The following CSMD3 variants were observed in gnomAD, a reference collection of about 807,000 sequenced individuals.
CSMD3 encodes CUB and Sushi multiple domains 3, also known as CUB and sushi domain-containing protein 3.
Under a neutral mutation model 435.2 loss-of-function variants are expected in CSMD3, and 177 were observed. That is an observed-to-expected ratio of 0.41 (90% CI 0.36 to 0.46). The LOEUF is 0.46. Among genes scored for constraint, CSMD3 ranks in the 20% least tolerant of loss-of-function variants. The probability of loss-of-function intolerance (pLI) is 0.34; values close to 1 mark genes in which losing one functional copy is unlikely to be tolerated. For synonymous variants in CSMD3, 1,656 were observed against 1,520.5 expected (o/e 1.09, Z -2.07); for missense variants, 4,265 against 4,504.6 (o/e 0.95, Z 1.52).
chr8:113,205,518 C>T (rs1563544303), intron 3 of CSMD3, among the ~76,000 whole-genome samples: 2 of 152,202 alleles, frequency 1.3e-5, no homozygotes, highest in South Asian at 2.1e-4. Context: ...TAGGCGATAC[C>T]ATCTAGGTTT....
At chr8:112,302,118 G>T (rs1820978868) in intron 52 of CSMD3, 152 bp from the exon 53 acceptor site, 2 of 647,700 alleles carry the variant, frequency 3.1e-6, no homozygotes, top group Non-Finnish European at 5.5e-6. Context: ...GAGTGTGAAA[G>T]TAGGGAGAAA....
intron 3 of CSMD3, among the ~76,000 whole-genome samples, chr8:113,262,554 C>G (rs895977461): frequency 6.6e-6 from 1 of 151,908 alleles, no homozygotes; most frequent in African/African-American, 2.4e-5. Flanking sequence ...ACTCTTATGA[C>G]TACATTATGC....
intron 3 of CSMD3, among the ~76,000 whole-genome samples, chr8:113,179,281 A>C (rs1044682629): frequency 6.6e-6 from 1 of 151,786 alleles, no homozygotes; most frequent in Non-Finnish European, 1.5e-5. Flanking sequence ...TAACTCAATA[A>C]ATTGCAGTTT....
chr8:112,931,263 C>T (rs1157276566), intron 9 of CSMD3, among the ~76,000 whole-genome samples: 1 of 151,838 alleles, frequency 6.6e-6, no homozygotes, highest in Non-Finnish European at 1.5e-5. Context: ...TGCTATAAAG[C>T]ACTTCCTCTA....
chr8:112,549,494 T>C (rs1827484906), intron 27 of CSMD3, among the ~76,000 whole-genome samples: 1 of 152,052 alleles, frequency 6.6e-6, no homozygotes, highest in African/African-American at 2.4e-5. Flanking sequence ...GGGAGAATAA[T>C]TGTGTTCCAT....
chr8:113,415,876 C>T (rs117662563), intron 1 of CSMD3, among the ~76,000 whole-genome samples: 4,972 of 152,080 alleles, frequency 0.033, 97 homozygotes, highest in Middle Eastern at 0.048. Flanking sequence ...TGCCAAATAA[C>T]ATAATCAAAT....
chr8:112,230,893 T>A (rs1452299385), intron 69 of CSMD3, among the ~76,000 whole-genome samples: 1 of 152,224 alleles, frequency 6.6e-6, no homozygotes, highest in Non-Finnish European at 1.5e-5. Flanking sequence ...ATTCTTTGTG[T>A]ATCCCTGTCA....
chr8:113,332,301 T>C (rs1419385284), intron 1 of CSMD3, among the ~76,000 whole-genome samples: 3 of 133,192 alleles, frequency 2.3e-5, no homozygotes, highest in Non-Finnish European at 4.7e-5. Flanking sequence ...AAAACTTCAA[T>C]TGGTTAAAAA....
At chr8:112,741,794 A>AAGAT (rs3039663) in intron 13 of CSMD3, among the ~76,000 whole-genome samples, 11,398 of 149,426 alleles carry the variant, frequency 0.076, 688 homozygotes, top group African/African-American at 0.17. Flanking sequence ...AGATAGAGAG[A>AAGAT]AGATAGATAG....
At chr8:112,351,127 T>C (rs1018946694) in intron 40 of CSMD3, 48 bp downstream of exon 40, 1 of 1,149,474 alleles carries the variant, frequency 8.7e-7, no homozygotes, top group Middle Eastern at 2.0e-4. Flanking sequence ...AGTCTTTTTT[T>C]TTACACTTTA....
At chr8:112,747,858 G>T (rs1013397142) in intron 13 of CSMD3, among the ~76,000 whole-genome samples, 1 of 151,718 alleles carries the variant, frequency 6.6e-6, no homozygotes, top group Non-Finnish European at 1.5e-5. Context: ...AGCTACTCGG[G>T]AGGCTGAGGC....
At chr8:112,613,180 G>A (rs1833398863) in intron 22 of CSMD3, among the ~76,000 whole-genome samples, 1 of 152,030 alleles carries the variant, frequency 6.6e-6, no homozygotes, top group Non-Finnish European at 1.5e-5. Context: ...TCACCTAAAG[G>A]TGTCTTAATT....
At chr8:112,315,051 G>C (rs1167122380) in intron 47 of CSMD3, among the ~76,000 whole-genome samples, 1 of 151,700 alleles carries the variant, frequency 6.6e-6, no homozygotes, top group Admixed American at 6.6e-5. Context: ...TGTGGGGTCA[G>C]ATAGAAAACT....
At chr8:113,290,552 G>C (rs2093679201) in intron 2 of CSMD3, among the ~76,000 whole-genome samples, 1 of 151,558 alleles carries the variant, frequency 6.6e-6, no homozygotes. Context: ...TTATTTGTGT[G>C]TATGCATGCA....
At chr8:113,325,498 TC>T (rs1468581318) in intron 1 of CSMD3, among the ~76,000 whole-genome samples, 1 of 152,170 alleles carries the variant, frequency 6.6e-6, no homozygotes, top group Non-Finnish European at 1.5e-5. Flanking sequence ...TTGTGAGGCC[TC>T]CCCAGCCATG....
chr8:113,042,069 T>C (rs1394408719), intron 5 of CSMD3, among the ~76,000 whole-genome samples: 1 of 152,226 alleles, frequency 6.6e-6, no homozygotes, highest in Non-Finnish European at 1.5e-5. Context: ...ACAACATTTT[T>C]AAATGATCAT....
chr8:112,862,221 T>C (rs2080845812), intron 10 of CSMD3, among the ~76,000 whole-genome samples: 1 of 152,088 alleles, frequency 6.6e-6, no homozygotes, highest in African/African-American at 2.4e-5. Context: ...TAACAAGTTG[T>C]ATATCTACAG....
At chr8:113,244,682 C>G (rs370238781) in intron 3 of CSMD3, among the ~76,000 whole-genome samples, 9 of 152,078 alleles carry the variant, frequency 5.9e-5, no homozygotes, top group East Asian at 5.8e-4. Flanking sequence ...TTCAGTTATA[C>G]CAGCAACATG....
intron 5 of CSMD3, among the ~76,000 whole-genome samples, chr8:113,092,984 G>GA (rs1197032238): frequency 6.6e-6 from 1 of 151,874 alleles, no homozygotes; most frequent in Non-Finnish European, 1.5e-5. Context: ...ACAACCATTG[G>GA]AAAAAACATG....
Sources: gnomAD v4.1 joint callset for allele counts (sites outside exome capture counted in the v4.1 genomes callset) on GRCh38, gnomAD v4.1.1 for gene constraint, MANE v1.5 for transcripts, NCBI Gene and HGNC (gene_info 2026-07-23, HGNC 2026-07-21) for gene names.